CA13: variants seen among roughly 807,000 people sequenced by gnomAD.
CA13 encodes the protein CA-XIII.
Under a neutral mutation model 31.5 loss-of-function variants are expected in CA13, and 21 were observed. That is an observed-to-expected ratio of 0.67 (90% CI 0.47 to 0.96). The LOEUF is 0.96. CA13 is among the 40% of genes least tolerant of loss of function. The pLI, the probability that CA13 is intolerant of heterozygous loss-of-function variation, is 0.00. For missense variants in CA13, 315 were observed against 318.9 expected (o/e 0.99, Z 0.09); for synonymous variants, 117 against 111.4 (o/e 1.05, Z -0.32).
chr8:85,255,074 A>G (rs1286097127), intron 2 of CA13, among the ~76,000 whole-genome samples: 1 of 151,848 alleles, frequency 6.6e-6, no homozygotes, highest in African/African-American at 2.4e-5. Flanking sequence ...GAGGAGGTGG[A>G]TGTGAAATTT....
At position 85,267,883 on chromosome 8, in the gene CA13, T is replaced by A; in HGVS notation, c.451-19T>A. 4.6e-6 allele frequency: 7 copies of A among 1,520,546 alleles called. No individual in the cohort carries two copies. The highest frequency in any genetic ancestry group is 1.7e-4 in the Middle Eastern group (1 of 5,848). The allele number at this position is 1,520,546 out of a possible 1,614,324, so 94.2% of individuals were successfully genotyped here. A position where few individuals can be genotyped will look rare whatever the true frequency, so the allele number is the denominator to read the frequency against. ...GATCTGCTACAGTAACCATTTCTTT[T>A]GAAATTTCATGTTTTTAGATTGGTG... On this transcript the variant is annotated intron_variant, in intron 4 of 6. Transcript: ENST00000321764.
chr8:85,261,718 G>T (rs192586704), intron 3 of CA13, among the ~76,000 whole-genome samples: 186 of 152,186 alleles, frequency 1.2e-3, no homozygotes, highest in African/African-American at 4.0e-3. Flanking sequence ...GAGCCACCGC[G>T]CCCGGCCAGT....
intron 6 of CA13, among the ~76,000 whole-genome samples, chr8:85,277,410 A>G (rs1404248266): frequency 6.6e-6 from 1 of 151,922 alleles, no homozygotes; most frequent in Non-Finnish European, 1.5e-5. Context: ...CCATGAACCC[A>G]CCAGAAGGAG....
At chr8:85,256,971 G>A (rs1259029732) in intron 2 of CA13, among the ~76,000 whole-genome samples, 2 of 152,126 alleles carry the variant, frequency 1.3e-5, no homozygotes, top group African/African-American at 2.4e-5. Flanking sequence ...CTCTGTCTTT[G>A]TCTTGGTATA....
At chr8:85,279,432 T>A (rs1250098923) in intron 6 of CA13, among the ~76,000 whole-genome samples, 1 of 152,126 alleles carries the variant, frequency 6.6e-6, no homozygotes, top group Non-Finnish European at 1.5e-5. Flanking sequence ...GCCAAATGAT[T>A]GTGAGACCCA....
At chr8:85,271,948 A>T (rs183872714) in intron 6 of CA13, among the ~76,000 whole-genome samples, 10 of 152,254 alleles carry the variant, frequency 6.6e-5, no homozygotes, top group Non-Finnish European at 1.0e-4. Flanking sequence ...GCATGCCTGT[A>T]ATCCCAGCTA....
At position 85,281,278 on chromosome 8, in the gene CA13, G is replaced by A. The variant is rs371448021; in HGVS notation, c.718G>A (p.Ala240Thr). Residue 240 changes from alanine to threonine, a missense_variant, in exon 7 of 7, where the codon GCT becomes ACT. Transcript: ENST00000321764. ...LLCTAEGEAA[A>T]FLVSNHRPPQ... ...GTGCACAGCGGAGGGTGAAGCAGCA[G>A]CTTTTCTGGTGAGCAATCACCGCCC... The A allele has an allele frequency of 5.9e-5, 96 of 1,613,962 alleles. No homozygotes were observed. Among genetic ancestry groups the A allele is most frequent in the Non-Finnish European group, 7.5e-5 (89 of 1,179,980 alleles).
chr8:85,249,300 A>T (rs1350290070), intron 1 of CA13, among the ~76,000 whole-genome samples: 2 of 152,078 alleles, frequency 1.3e-5, no homozygotes, highest in Non-Finnish European at 2.9e-5. Context: ...TGAGTTTGAG[A>T]CCAGCCTGTA....
chr8:85,255,598 G>A (rs1045125603), intron 2 of CA13, among the ~76,000 whole-genome samples: 1 of 152,054 alleles, frequency 6.6e-6, no homozygotes, highest in Admixed American at 6.6e-5. Context: ...AGCTGATCTC[G>A]AACTCCTGGC....
At chr8:85,252,902 T>C (rs751513235) in intron 2 of CA13, among the ~76,000 whole-genome samples, 5 of 152,140 alleles carry the variant, frequency 3.3e-5, no homozygotes, top group Non-Finnish European at 7.4e-5. Flanking sequence ...ACCACATTTC[T>C]TCTTCATATT....
intron 4 of CA13, 55 bp downstream of exon 4, chr8:85,266,758 C>A: frequency 7.3e-7 from 1 of 1,366,064 alleles, no homozygotes; most frequent in Non-Finnish European, 1.0e-6. Context: ...GAAAGAGCTT[C>A]AGTCACGAAG....
intron 1 of CA13, chr8:85,249,819 C>CT (rs763774151): frequency 1.8e-5 from 8 of 451,306 alleles, no homozygotes; most frequent in Non-Finnish European, 3.1e-5. Context: ...TGACATGGAA[C>CT]TTACGTGAAA....
intron 6 of CA13, among the ~76,000 whole-genome samples, chr8:85,275,423 G>A (rs1375855165): frequency 6.6e-6 from 1 of 152,100 alleles, no homozygotes; most frequent in Admixed American, 6.6e-5. Flanking sequence ...CCCTACCATG[G>A]CCACTGTTGA....
intron 4 of CA13, chr8:85,267,315 G>T: frequency 1.0e-6 from 1 of 985,850 alleles, no homozygotes; most frequent in Non-Finnish European, 1.2e-6. Context: ...TGGACACCAA[G>T]TAGGGGTGGT....
At position 85,248,489 on chromosome 8, in the gene CA13, G is replaced by A. The variant is rs114976388; in HGVS notation, c.38-2251G>A. Reference sequence around the variant, plus strand: ...AAAAAAAAAAAGAAAAAGAATTATGGTGGCTTGCACCTGTAATCCTAGCTA... The same window carrying A: ...AAAAAAAAAAAGAAAAAGAATTATGATGGCTTGCACCTGTAATCCTAGCTA... On this transcript the variant is annotated intron_variant, in intron 1 of 6. Coordinates refer to ENST00000321764, the MANE Select transcript of CA13 (RefSeq NM_198584.3). 7.3e-3 allele frequency among the ~76,000 whole-genome samples: 1,105 copies of A among 151,758 alleles called. 14 individuals carry two copies. The highest frequency in any genetic ancestry group is 0.023 in the African/African-American group (940 of 41,440).
intron 1 of CA13, among the ~76,000 whole-genome samples, chr8:85,248,755 GT>G (rs1171015552): frequency 6.6e-6 from 1 of 152,110 alleles, no homozygotes; most frequent in African/African-American, 2.4e-5. Flanking sequence ...TTTTAAAATA[GT>G]TCTGTTTATA....
chr8:85,271,902 C>G (rs1406546107), intron 6 of CA13, among the ~76,000 whole-genome samples: 1 of 152,030 alleles, frequency 6.6e-6, no homozygotes, highest in Admixed American at 6.5e-5. Flanking sequence ...AACCCCATCT[C>G]TACTAAAAAT....
chr8:85,250,871 G>C lies in CA13; in HGVS notation c.169G>C (p.Ala57Pro), dbSNP rs1253281632. ...PLSIKYDPSS[A>P]KIISNSGHSF... Reference sequence around the variant, plus strand: ...TAGTATCAAGTATGACCCAAGCTCAGCTAAAATCATCAGCAACAGCGGCCA... The same window carrying C: ...TAGTATCAAGTATGACCCAAGCTCACCTAAAATCATCAGCAACAGCGGCCA... Residue 57 changes from alanine (A) to proline (P), a missense_variant, in exon 2 of 7, where the codon GCT becomes CCT. Physicochemically the swap from Ala to Pro is conservative, Grantham distance 27. Transcript: ENST00000321764. The C allele has an allele frequency of 1.2e-6, 2 of 1,614,042 alleles. No individual in the cohort carries two copies. Among genetic ancestry groups the C allele is most frequent in the Non-Finnish European group, 8.5e-7 (1 of 1,180,018 alleles).
intron 2 of CA13, among the ~76,000 whole-genome samples, chr8:85,254,799 T>TG (rs1807263098): frequency 6.6e-6 from 1 of 151,470 alleles, no homozygotes; most frequent in African/African-American, 2.4e-5. Context: ...GGTTTTGTTT[T>TG]TTTTTTATTT....
Sources: gnomAD v4.1 joint callset for allele counts (sites outside exome capture counted in the v4.1 genomes callset) on GRCh38, gnomAD v4.1.1 for gene constraint, MANE v1.5 for transcripts, NCBI Gene and HGNC (gene_info 2026-07-23, HGNC 2026-07-21) for gene names.